The following TENM4 variants were observed in gnomAD, a reference collection of about 807,000 sequenced individuals.
TENM4 encodes teneurin transmembrane protein 4.
TENM4 carries 82 observed loss-of-function variants against 243.3 expected under a neutral mutation model. The observed-to-expected ratio is 0.34, with a 90% confidence interval of 0.28 to 0.40. The LOEUF is 0.40. TENM4 is among the 10% of genes least tolerant of loss of function. TENM4 has a pLI of 1.00. For synonymous variants in TENM4, 1,412 were observed against 1,456.3 expected (o/e 0.97, Z 0.69); for missense variants, 3,138 against 3,673.3 (o/e 0.85, Z 3.77).
chr11:79,083,322 T>A (rs1409944583), intron 4 of TENM4, among the ~76,000 whole-genome samples: 2 of 152,216 alleles, frequency 1.3e-5, no homozygotes, highest in Non-Finnish European at 2.9e-5. Flanking sequence ...GCAGACTGGG[T>A]GGCTTCAGCT....
At position 78,658,393 on chromosome 11, in the gene TENM4, T is replaced by C. The variant is rs1004027885; in HGVS notation, c.7975A>G (p.Arg2659Gly). Reference protein sequence around the residue: ...VSQINTVLNGRTRRYTDIQLQ... With the variant: ...VSQINTVLNGGTRRYTDIQLQ... ...TGGATGTCTGTGTAGCGTCTAGTCC[T>C]GCCATTAAGTACTGTGTTGATCTGG... The change falls in exon 34 of 34, where the codon AGG becomes GGG. Residue 2659 changes from arginine (R) to glycine (G), a missense_variant. By Grantham distance (125) the Arg-to-Gly change is moderately radical (BLOSUM62 -2). Transcript: ENST00000278550. 9.3e-6 allele frequency: 15 copies of C among 1,614,066 alleles called. No individual in the cohort carries two copies. The highest frequency in any genetic ancestry group is 1.2e-5 in the Non-Finnish European group (14 of 1,179,900).
intron 1 of TENM4, among the ~76,000 whole-genome samples, chr11:79,344,798 A>C (rs925706543): frequency 1.5e-4 from 23 of 152,202 alleles, no homozygotes; most frequent in African/African-American, 5.5e-4. Context: ...CTAAATTGCC[A>C]AGACAAATAT....
At chr11:78,749,076 C>T (rs1217969034) in intron 19 of TENM4, among the ~76,000 whole-genome samples, 1 of 152,164 alleles carries the variant, frequency 6.6e-6, no homozygotes, top group Non-Finnish European at 1.5e-5. Context: ...GCTCAAGCTA[C>T]AAAGCAAACA....
chr11:79,242,968 A>G (rs985501688), intron 2 of TENM4, among the ~76,000 whole-genome samples: 11 of 151,978 alleles, frequency 7.2e-5, no homozygotes, highest in Non-Finnish European at 1.5e-4. Flanking sequence ...CTGGGGAGGG[A>G]GATTGCCACT....
chr11:78,810,215 G>A (rs1857469403), intron 14 of TENM4, among the ~76,000 whole-genome samples: 1 of 152,216 alleles, frequency 6.6e-6, no homozygotes. Flanking sequence ...CGCTTCACCA[G>A]AGAAACAGAA....
At chr11:79,232,758 G>C (rs1192743152) in intron 2 of TENM4, among the ~76,000 whole-genome samples, 1 of 152,224 alleles carries the variant, frequency 6.6e-6, no homozygotes, top group African/African-American at 2.4e-5. Flanking sequence ...TAAAATTGCT[G>C]TTTGGATAGA....
Position 79,138,921 on chromosome 11 carries a change from C to CCATAAATATATAAAATATATATTAT in TENM4, c.-66+9788_-66+9789insATAATATATATTTTATATATTTATG, listed in dbSNP as rs1565219859. On this transcript the variant is annotated intron_variant, in intron 4 of 33. Coordinates refer to ENST00000278550, the MANE Select transcript of TENM4 (RefSeq NM_001098816.3). ...ATTATATTTCTATAAATATATATTA[C>CCATAAATATATAAAATATATATTAT]ATTTCCATAAATATATAAAATATAT... Among the ~76,000 whole-genome samples the CCATAAATATATAAAATATATATTAT allele has an allele frequency of 7.7e-4, 63 of 81,398 alleles. 13 individuals are homozygous for CCATAAATATATAAAATATATATTAT. Among genetic ancestry groups the CCATAAATATATAAAATATATATTAT allele is most frequent in the Non-Finnish European group, 9.6e-4 (44 of 45,646 alleles). 53.4% of individuals were successfully genotyped at this position (81,398 alleles called of 152,430 possible). A position where few individuals can be genotyped will look rare whatever the true frequency, so the allele number is the denominator to read the frequency against.
intron 4 of TENM4, among the ~76,000 whole-genome samples, chr11:79,091,460 G>A (rs977518644): frequency 1.3e-5 from 2 of 152,172 alleles, no homozygotes; most frequent in African/African-American, 4.8e-5. Flanking sequence ...CCCTGCGGAG[G>A]AAGCTTCTTT....
chr11:78,893,553 A>T (rs541037498), intron 7 of TENM4, among the ~76,000 whole-genome samples: 2 of 152,248 alleles, frequency 1.3e-5, no homozygotes, highest in African/African-American at 4.8e-5. Context: ...TCTATGCTAC[A>T]GGTACACTGG....
chr11:78,851,905 A>G (rs1858548561), intron 12 of TENM4, among the ~76,000 whole-genome samples: 1 of 152,228 alleles, frequency 6.6e-6, no homozygotes, highest in South Asian at 2.1e-4. Flanking sequence ...TGATTTGTGC[A>G]AGGTCAAAAC....
chr11:79,387,182 A>C (rs1858133881), intron 1 of TENM4, among the ~76,000 whole-genome samples: 1 of 152,224 alleles, frequency 6.6e-6, no homozygotes, highest in Admixed American at 6.5e-5. Context: ...ATATACATTA[A>C]ATTATAAAAT....
At chr11:79,113,392 G>GGGGTGTGTGTGT (rs1861548054) in intron 4 of TENM4, among the ~76,000 whole-genome samples, 1 of 145,082 alleles carries the variant, frequency 6.9e-6, no homozygotes, top group African/African-American at 2.6e-5. Flanking sequence ...CTATTGGATT[G>GGGGTGTGTGTGT]GTGTGTGTGT....
intron 32 of TENM4, among the ~76,000 whole-genome samples, chr11:78,668,380 GA>G (rs1439576734): frequency 5.9e-5 from 9 of 152,106 alleles, no homozygotes; most frequent in African/African-American, 2.2e-4. Context: ...CAGGAAACTG[GA>G]ATTCAGGGCA....
chr11:78,736,468 G>A (rs1403097258), intron 20 of TENM4, among the ~76,000 whole-genome samples: 1 of 144,870 alleles, frequency 6.9e-6, no homozygotes, highest in Non-Finnish European at 1.5e-5. Flanking sequence ...GTGTGTGTGT[G>A]TGTGTGTGTG....
intron 6 of TENM4, among the ~76,000 whole-genome samples, chr11:79,048,511 C>G (rs987173358): frequency 7.2e-5 from 11 of 152,286 alleles, no homozygotes; most frequent in Non-Finnish European, 1.3e-4. Flanking sequence ...CAATCCTGCA[C>G]ATCCTTTCTA....
At chr11:78,731,788 T>C (rs1855673292) in intron 21 of TENM4, among the ~76,000 whole-genome samples, 1 of 152,248 alleles carries the variant, frequency 6.6e-6, no homozygotes, top group South Asian at 2.1e-4. Context: ...TTAATTGGCA[T>C]GAAGGCAGCG....
intron 4 of TENM4, among the ~76,000 whole-genome samples, chr11:79,124,809 GTA>G (rs1218280227): frequency 1.7e-4 from 24 of 139,328 alleles, no homozygotes; most frequent in African/African-American, 4.8e-4. Context: ...ATATGTATGT[GTA>G]TATATATGTA....
intron 3 of TENM4, among the ~76,000 whole-genome samples, chr11:79,173,581 G>A (rs1261488048): frequency 6.6e-6 from 1 of 152,122 alleles, no homozygotes; most frequent in African/African-American, 2.4e-5. Flanking sequence ...TGGTATTTTA[G>A]CTTTCATCTG....
chr11:79,326,851 AG>A (rs1856982921), intron 1 of TENM4, among the ~76,000 whole-genome samples: 1 of 152,238 alleles, frequency 6.6e-6, no homozygotes, highest in South Asian at 2.1e-4. Flanking sequence ...TCCACACTCC[AG>A]TGCCAGGCAT....
Sources: allele counts gnomAD v4.1 joint callset (sites outside exome capture counted in the v4.1 genomes callset), GRCh38; gene constraint gnomAD v4.1.1; transcripts MANE v1.5; gene names NCBI Gene and HGNC (gene_info 2026-07-23, HGNC 2026-07-21).